Variants in TKTL1 observed in about 807,000 individuals in gnomAD.
TKTL1 encodes the protein transketolase-like protein 1.
Under a neutral mutation model 39.3 loss-of-function variants are expected in TKTL1, and 1 was observed. The observed-to-expected ratio is 0.03, with a 90% CI of 0.01 to 0.12. TKTL1 has a LOEUF of 0.12. Among genes scored for constraint, TKTL1 ranks in the 10% least tolerant of loss-of-function variants. The pLI is 1.00. For synonymous variants in TKTL1, 262 were observed against 193.8 expected (o/e 1.35, Z -2.92); for missense variants, 575 against 509.6 (o/e 1.13, Z -1.24).
At chrX:154,301,982 G>A (rs1169866663) in intron 1 of TKTL1, among the ~76,000 whole-genome samples, 1 of 109,216 alleles carries the variant, frequency 9.2e-6, no homozygotes, top group African/African-American at 3.3e-5. Flanking sequence ...CATTCAGCGT[G>A]GGCACTCCTG....
intron 1 of TKTL1, among the ~76,000 whole-genome samples, chrX:154,298,703 A>G (rs2067249552): frequency 9.0e-6 from 1 of 110,598 alleles, no homozygotes; most frequent in Admixed American, 9.6e-5. Flanking sequence ...CAAAAAGAAA[A>G]AAAAATTGGT....
intron 2 of TKTL1, among the ~76,000 whole-genome samples, chrX:154,307,004 A>C (rs1317493620): frequency 9.2e-6 from 1 of 109,117 alleles, no homozygotes; most frequent in Non-Finnish European, 1.9e-5. Context: ...TCTGGTTTAA[A>C]ATAAGGAAAG....
In TKTL1 at chrX:154,309,352, C is replaced by G. The variant is rs1557167815; in HGVS notation, c.260C>G (p.Ser87Trp). ...GGGTCCCTTCTCTTACAGAGACTGT[C>G]GTTTGTGGATGTGGCAACAGGATGG... ...NDRFVLAKRL[S>W]FVDVATGWLG... The change falls in exon 3 of 13, where the codon TCG (serine) becomes TGG (tryptophan). Residue 87 changes from serine to tryptophan, a missense_variant. Transcript: ENST00000369915. 1 of 1,210,483 alleles carries G rather than the reference C, an allele frequency of 8.3e-7. No individual in the cohort carries two copies. Among genetic ancestry groups the G allele is most frequent in the South Asian group, 1.8e-5 (1 of 56,983 alleles).
chrX:154,325,717 T>C (rs782755496), intron 10 of TKTL1, among the ~76,000 whole-genome samples: 31 of 112,535 alleles, frequency 2.8e-4, no homozygotes, highest in African/African-American at 9.0e-4. Flanking sequence ...GGCCGCAAGC[T>C]AAACAAAACA....
intron 1 of TKTL1, among the ~76,000 whole-genome samples, chrX:154,301,087 C>T: frequency 9.0e-6 from 1 of 111,568 alleles, no homozygotes; most frequent in Non-Finnish European, 1.9e-5. Flanking sequence ...ATTTATTTCG[C>T]CATTGGCTTT....
rs782315730 is a variant in TKTL1, at chrX:154,296,000, TCTC to T, written c.134+11_134+13del. On this transcript the variant is annotated splice_region_variant and intron_variant, in intron 1 of 12. Coordinates refer to ENST00000369915, the MANE Select transcript of TKTL1 (RefSeq NM_012253.4). ...CATGCTCCACGAGCTCCGGGTAAGTTCTCCTCATTGAAGTCTGGGTCATGCAGG... is the reference window on the plus strand; with the variant it reads ...CATGCTCCACGAGCTCCGGGTAAGTTCTCATTGAAGTCTGGGTCATGCAGG... The T allele has an allele frequency of 3.3e-6, 4 of 1,209,706 alleles. No homozygotes were observed. The highest frequency in any genetic ancestry group is 1.8e-5 in the South Asian group (1 of 56,676).
chrX:154,312,904 GTAAC>G lies in TKTL1; in HGVS notation c.864+136_864+139del, dbSNP rs782771911. On this transcript the variant is annotated intron_variant, in intron 6 of 12. Coordinates refer to ENST00000369915, the MANE Select transcript of TKTL1 (RefSeq NM_012253.4). ...GACGAACCAATTACTAGAGTGACAT[GTAAC>G]TAACAGTTCGTAGGCAATAAAGAGA... 1.1e-4 allele frequency: 64 copies of G among 605,829 alleles called. 1 individual carries two copies. Among genetic ancestry groups the G allele is most frequent in the Middle Eastern group, 5.1e-4 (1 of 1,963 alleles). 49.9% of individuals were successfully genotyped at this position (605,829 alleles called of 1,213,427 possible).
intron 9 of TKTL1, among the ~76,000 whole-genome samples, chrX:154,323,705 A>T (rs1390913329): frequency 1.8e-5 from 2 of 112,425 alleles, no homozygotes; most frequent in African/African-American, 6.5e-5. Flanking sequence ...CAGTGGCTGC[A>T]GCCAGAGGCC....
chrX:154,300,264 T>G (rs1243791736), intron 1 of TKTL1, among the ~76,000 whole-genome samples: 1 of 112,329 alleles, frequency 8.9e-6, no homozygotes, highest in African/African-American at 3.2e-5. Context: ...TCGCCTGCCT[T>G]GGCCTCCCAA....
chrX:154,301,230 T>C (rs1482658024), intron 1 of TKTL1, among the ~76,000 whole-genome samples: 1 of 110,706 alleles, frequency 9.0e-6, no homozygotes, highest in Non-Finnish European at 1.9e-5. Flanking sequence ...TTTTAAATCT[T>C]GTTGGCCAGG....
In TKTL1 at chrX:154,312,462, T is replaced by C. The variant is rs1338573181; in HGVS notation, c.671-118T>C. On this transcript the variant is annotated intron_variant, in intron 5 of 12. Coordinates refer to ENST00000369915, the MANE Select transcript of TKTL1 (RefSeq NM_012253.4). ...AGCGTCCCAGGCCCTCTGTGCCAGG[T>C]GTTCCTCCTGTGAGTCCTAGGGTGA... 5 of 697,502 alleles carry C rather than the reference T, an allele frequency of 7.2e-6. No homozygotes were observed. In the East Asian group the frequency reaches 1.8e-4, roughly 25 times the overall value. 57.5% of individuals were successfully genotyped at this position (697,502 alleles called of 1,213,427 possible). A position where few individuals can be genotyped will look rare whatever the true frequency, so the allele number is the denominator to read the frequency against.
In TKTL1 at chrX:154,295,835, T is replaced by C. The variant is rs1176705361; in HGVS notation, c.-25T>C. On this transcript the variant is annotated 5_prime_UTR_variant, in exon 1 of 13. Transcript: ENST00000369915. ...GACGCCGGAGACGTAGGAGTGGGTC[T>C]TCAGACTCCAAAGGGGTTGGACTAA... is the stretch of plus-strand genomic sequence containing the variant. 1.7e-6 allele frequency: 2 copies of C among 1,205,356 alleles called. No individual in the cohort carries two copies. The highest frequency in any genetic ancestry group is 1.8e-5 in the South Asian group (1 of 56,151).
At position 154,321,365 on chromosome X, in the gene TKTL1, C is replaced by T. The variant is rs376479150; in HGVS notation, c.1186+452C>T. Among the ~76,000 whole-genome samples the T allele has an allele frequency of 1.2e-4, 13 of 108,908 alleles. No homozygotes were observed. In the East Asian group the frequency reaches 2.3e-3, roughly 19 times the overall value. The allele number at this position is 108,908 out of a possible 115,157, so 94.6% of individuals were successfully genotyped here. A position where few individuals can be genotyped will look rare whatever the true frequency, so the allele number is the denominator to read the frequency against. ...GCCTGGGGCAGCGAGAACCCTGGAG[C>T]GTGACACGAGGCAGGAACTCTTACA... On this transcript the variant is annotated intron_variant, in intron 8 of 12. Transcript: ENST00000369915.
intron 7 of TKTL1, among the ~76,000 whole-genome samples, chrX:154,316,275 T>A (rs1245470784): frequency 9.0e-6 from 1 of 111,009 alleles, no homozygotes; most frequent in Admixed American, 9.6e-5. Context: ...TTTCACTGTG[T>A]TAGCCAGAGT....
chrX:154,309,357 G>C lies in TKTL1; in HGVS notation c.265G>C (p.Val89Leu). 1 of 1,211,410 alleles carries C rather than the reference G, an allele frequency of 8.3e-7. No homozygotes were observed. Residue 89 changes from valine (V) to leucine (L), a missense_variant, in exon 3 of 13, where the codon GTG becomes CTG. Val to Leu is a conservative substitution (Grantham distance 32). Transcript: ENST00000369915. ...RFVLAKRLSF[V>L]DVATGWLGQG... is the part of the protein sequence containing the mutation. ...CCTTCTCTTACAGAGACTGTCGTTT[G>C]TGGATGTGGCAACAGGATGGCTCGG...
chrX:154,315,061 C>T (rs2067387086), intron 6 of TKTL1, 112 bp from the exon 7 acceptor site: 4 of 883,302 alleles, frequency 4.5e-6, no homozygotes, highest in South Asian at 2.8e-5. Context: ...AATTTACTTT[C>T]TTCAAGATAG....
chrX:154,300,188 G>T (rs2067262516), intron 1 of TKTL1, among the ~76,000 whole-genome samples: 1 of 111,029 alleles, frequency 9.0e-6, no homozygotes. Context: ...GCTAATTTTT[G>T]TATTTTTAGT....
intron 1 of TKTL1, among the ~76,000 whole-genome samples, chrX:154,300,823 G>A (rs2067267915): frequency 9.0e-6 from 1 of 110,615 alleles, no homozygotes; most frequent in Admixed American, 9.6e-5. Flanking sequence ...TACCCGAGTA[G>A]CTGGGACTAC....
At chrX:154,315,065 AAG>A in intron 6 of TKTL1, 106 bp from the exon 7 acceptor site, 7 of 895,977 alleles carry the variant, frequency 7.8e-6, no homozygotes, top group Non-Finnish European at 1.1e-5. Context: ...TACTTTCTTC[AAG>A]ATAGATGATA....
Sources: gnomAD v4.1 joint callset for allele counts (sites outside exome capture counted in the v4.1 genomes callset) on GRCh38, gnomAD v4.1.1 for gene constraint, MANE v1.5 for transcripts, NCBI Gene and HGNC (gene_info 2026-07-23, HGNC 2026-07-21) for gene names.